ELP4: variants seen among roughly 807,000 people sequenced by gnomAD.
The protein encoded by ELP4 is elongator acetyltransferase complex subunit 4, also known as elongator complex protein 4.
Under a neutral mutation model 48.9 loss-of-function variants are expected in ELP4, and 51 were observed. That is an observed-to-expected ratio of 1.04 (90% CI 0.83 to 1.32). The LOEUF is 1.32. Among genes scored for constraint, ELP4 ranks in the 40% most tolerant of loss-of-function variants. The probability of loss-of-function intolerance (pLI) is 0.00; values close to 1 mark genes in which losing one functional copy is unlikely to be tolerated. For missense variants in ELP4, 519 were observed against 514.6 expected, an observed-to-expected ratio of 1.01 and a Z score of -0.08; for synonymous variants, 210 against 189.2, an observed-to-expected ratio of 1.11 and a Z score of -0.90.
intron 9 of ELP4, among the ~76,000 whole-genome samples, chr11:31,749,090 AC>A (rs1260365965): frequency 6.6e-6 from 1 of 152,204 alleles, no homozygotes; most frequent in Non-Finnish European, 1.5e-5. Context: ...GAAAGTTTGT[AC>A]TGGGGAAAAT....
At chr11:31,632,004 C>A (rs1944871012) in intron 6 of ELP4, among the ~76,000 whole-genome samples, 1 of 151,990 alleles carries the variant, frequency 6.6e-6, no homozygotes, top group South Asian at 2.1e-4. Flanking sequence ...TGATACTCTT[C>A]AGATTTTTCA....
chr11:31,695,166 T>G (rs921101507), intron 9 of ELP4, among the ~76,000 whole-genome samples: 1 of 152,126 alleles, frequency 6.6e-6, no homozygotes, highest in African/African-American at 2.4e-5. Context: ...CCTGCCTGAT[T>G]GTCATGGCCA....
rs187269489 is a variant in ELP4, at chr11:31,731,432, C to T, written c.1144-51961C>T. Among the ~76,000 whole-genome samples the T allele has an allele frequency of 7.7e-3, 1,178 of 152,130 alleles. 4 individuals carry two copies. Among genetic ancestry groups the T allele is most frequent in the Middle Eastern group, 0.017 (5 of 294 alleles). On this transcript the variant is annotated intron_variant, in intron 9 of 9. Coordinates refer to ENST00000640961, the MANE Select transcript of ELP4 (RefSeq NM_019040.5). ...ACTTTTAAAAATTCCCTAGAGGGTTCAACAGCAGACTTGATCAAGCTGAAG... is the reference window on the plus strand; with the variant it reads ...ACTTTTAAAAATTCCCTAGAGGGTTTAACAGCAGACTTGATCAAGCTGAAG...
intron 9 of ELP4, among the ~76,000 whole-genome samples, chr11:31,738,064 G>T (rs994354862): frequency 1.2e-4 from 18 of 151,852 alleles, no homozygotes; most frequent in Non-Finnish European, 2.2e-4. Context: ...GATAAATGTG[G>T]TATATATGTA....
chr11:31,747,558 G>A (rs1471392192), intron 9 of ELP4, among the ~76,000 whole-genome samples: 5 of 152,190 alleles, frequency 3.3e-5, no homozygotes, highest in African/African-American at 1.2e-4. Context: ...TAGTTTCATA[G>A]CCTATATAAA....
intron 3 of ELP4, among the ~76,000 whole-genome samples, chr11:31,584,650 C>G (rs188277218): frequency 2.0e-3 from 304 of 152,158 alleles, no homozygotes; most frequent in African/African-American, 7.0e-3. Flanking sequence ...GCCTCAGCTG[C>G]CCAAGTAGCT....
intron 5 of ELP4, among the ~76,000 whole-genome samples, chr11:31,612,608 T>G (rs898069591): frequency 6.6e-6 from 1 of 152,200 alleles, no homozygotes; most frequent in South Asian, 2.1e-4. Flanking sequence ...TTGCTGTTGA[T>G]ACATATGTAT....
intron 9 of ELP4, among the ~76,000 whole-genome samples, chr11:31,755,366 C>T (rs1306803689): frequency 6.6e-6 from 1 of 152,098 alleles, no homozygotes; most frequent in Non-Finnish European, 1.5e-5. Context: ...GAAATTTGAG[C>T]AAGGTACTTA....
At chr11:31,625,492 C>T (rs963701710) in intron 5 of ELP4, among the ~76,000 whole-genome samples, 1 of 151,720 alleles carries the variant, frequency 6.6e-6, no homozygotes, top group African/African-American at 2.4e-5. Flanking sequence ...GAAATCTTGT[C>T]ATTTGTGACA....
intron 7 of ELP4, among the ~76,000 whole-genome samples, chr11:31,639,554 T>C (rs1592181955): frequency 6.6e-6 from 1 of 152,102 alleles, no homozygotes; most frequent in East Asian, 1.9e-4. Context: ...ATATTTAATT[T>C]ACTTTTTTGG....
chr11:31,563,539 A>C (rs1295788230), intron 3 of ELP4, among the ~76,000 whole-genome samples: 2 of 152,200 alleles, frequency 1.3e-5, no homozygotes, highest in Non-Finnish European at 2.9e-5. Context: ...ATATACATAA[A>C]TACTGGAATA....
At chr11:31,684,730 G>A (rs1376466506) in intron 9 of ELP4, among the ~76,000 whole-genome samples, 2 of 152,154 alleles carry the variant, frequency 1.3e-5, no homozygotes, top group East Asian at 1.9e-4. Context: ...ACTGGTATCC[G>A]TATGATCCAT....
intron 9 of ELP4, among the ~76,000 whole-genome samples, chr11:31,738,499 G>C (rs1207635607): frequency 6.6e-6 from 1 of 152,004 alleles, no homozygotes; most frequent in Non-Finnish European, 1.5e-5. Flanking sequence ...ACTGCGGGGG[G>C]CTAAGGCTGG....
intron 3 of ELP4, among the ~76,000 whole-genome samples, chr11:31,587,291 TA>T (rs1457745942): frequency 6.6e-6 from 1 of 152,162 alleles, no homozygotes. Flanking sequence ...CTAAACTAAG[TA>T]ACTCTGTGTC....
At chr11:31,562,430 A>T (rs894044421) in intron 3 of ELP4, among the ~76,000 whole-genome samples, 8 of 152,162 alleles carry the variant, frequency 5.3e-5, no homozygotes, top group African/African-American at 1.9e-4. Flanking sequence ...TTCCTGGTTT[A>T]CATGTTAAAG....
At chr11:31,599,987 A>G (rs1031374967) in intron 4 of ELP4, 1 of 152,158 alleles carries the variant, frequency 6.6e-6, no homozygotes, top group Non-Finnish European at 1.5e-5. Context: ...AGTTAACATA[A>G]TTGTGGCTTA....
chr11:31,511,595 T>C (rs1455170264), intron 1 of ELP4: 2 of 152,202 alleles, frequency 1.3e-5, no homozygotes, highest in African/African-American at 2.4e-5. Context: ...ATATGAACAG[T>C]CTCACAAAAC....
In ELP4 at chr11:31,783,299, C is replaced by A. The variant is rs186821667; in HGVS notation, c.1144-94C>A. The A allele has an allele frequency of 4.7e-4, 521 of 1,113,842 alleles. 1 individual carries two copies. Among genetic ancestry groups the A allele is most frequent in the Non-Finnish European group, 2.9e-5 (22 of 764,188 alleles). The allele number at this position is 1,113,842 out of a possible 1,614,324, so 69.0% of individuals were successfully genotyped here. A position where few individuals can be genotyped will look rare whatever the true frequency, so the allele number is the denominator to read the frequency against. On this transcript the variant is annotated intron_variant, in intron 9 of 9. Transcript: ENST00000640961. The stretch of plus-strand genomic sequence containing the variant: ...CAAGTCTAAATGCTGATCAACAGAG[C>A]ATAATATTGTAATCTGAAGTATGCT...
chr11:31,763,617 A>G, intron 9 of ELP4: 2 of 1,460,540 alleles, frequency 1.4e-6, no homozygotes, highest in South Asian at 2.9e-5. Flanking sequence ...TTAAGAAGGG[A>G]ATGTTAAGGG....
Sources: gnomAD v4.1 joint callset for allele counts (sites outside exome capture counted in the v4.1 genomes callset) on GRCh38, gnomAD v4.1.1 for gene constraint, MANE v1.5 for transcripts, NCBI Gene and HGNC (gene_info 2026-07-23, HGNC 2026-07-21) for gene names.